CFAP20DC: variants seen among roughly 807,000 people sequenced by gnomAD.
CFAP20DC encodes protein CFAP20DC.
A neutral mutation model predicts 101.7 loss-of-function variants in CFAP20DC; 84 were observed. The observed-to-expected ratio is 0.83, with a 90% CI of 0.69 to 0.99. The LOEUF is 0.99. Ranked by LOEUF, CFAP20DC falls within the 50% of genes least tolerant of loss-of-function variation. The probability of loss-of-function intolerance (pLI) is 0.00; values close to 1 mark genes in which losing one functional copy is unlikely to be tolerated. For missense variants in CFAP20DC, 1,007 were observed against 970.3 expected (o/e 1.04, Z -0.50); for synonymous variants, 359 against 351.2 (o/e 1.02, Z -0.25).
chr3:58,877,856 T>C (rs1012450852), intron 7 of CFAP20DC, among the ~76,000 whole-genome samples: 3 of 152,302 alleles, frequency 2.0e-5, no homozygotes, highest in African/African-American at 7.2e-5. Context: ...GTGCATGTGA[T>C]GAGGACTAAT....
Position 58,897,349 on chromosome 3 carries a change from G to A in CFAP20DC, c.551-12640C>T, listed in dbSNP as rs551151127. On this transcript the variant is annotated intron_variant, in intron 6 of 16. Transcript: ENST00000482387. This position sits in a 1 kb window ranked among gnomAD's most constrained non-coding sequence, Gnocchi z 4.4. ...GCTTGCCATTGTGTCTTTTAATGGG[G>A]ACACTAAGCCCATTTACATCTAAGG... 4.6e-5 allele frequency among the ~76,000 whole-genome samples: 7 copies of A among 152,292 alleles called. No individual in the cohort carries two copies. The East Asian group carries it at 1.4e-3, about 29-fold the overall frequency.
chr3:58,961,856 G>C (rs1327585360), intron 4 of CFAP20DC, among the ~76,000 whole-genome samples: 1 of 151,714 alleles, frequency 6.6e-6, no homozygotes, highest in Non-Finnish European at 1.5e-5. Flanking sequence ...ATTTCTAAAG[G>C]GTTATGAGCA....
At chr3:58,886,910 T>A (rs1448237944) in intron 6 of CFAP20DC, among the ~76,000 whole-genome samples, 4 of 152,190 alleles carry the variant, frequency 2.6e-5, no homozygotes, top group African/African-American at 9.7e-5. Flanking sequence ...TGTGTGTATA[T>A]ATGTGACTGT....
chr3:58,816,776 G>A (rs1575740668), intron 14 of CFAP20DC, among the ~76,000 whole-genome samples: 5 of 152,292 alleles, frequency 3.3e-5, no homozygotes, highest in Middle Eastern at 3.4e-3. Flanking sequence ...CTCGAACTGG[G>A]TGGAGCCCAC....
rs112867020 is a variant in CFAP20DC at position 58,863,888 on chromosome 3, C to T, written c.1263G>A (p.Glu421=). 4.3e-6 allele frequency: 7 copies of T among 1,609,306 alleles called. No homozygotes were observed. In the African/African-American group the frequency reaches 6.7e-5, roughly 15 times the overall value. ...GATCAGCATTTTCAGGAAAAATCCA[C>T]TCATCTGACAGTTGGAAAAGATGAC... is the stretch of plus-strand genomic sequence containing the variant. The part of the protein sequence containing the change: ...LGPQSPDQSD[E]WIFPENADHI... Residue 421 remains glutamate, a synonymous_variant, in exon 12 of 17, where the codon GAG becomes GAA. Transcript: ENST00000482387. The surrounding 1 kb of genome is among the most constrained non-coding windows in gnomAD (Gnocchi z 5.9).
At chr3:58,753,007 A>G (rs961209796) in intron 16 of CFAP20DC, among the ~76,000 whole-genome samples, 1 of 152,042 alleles carries the variant, frequency 6.6e-6, no homozygotes, top group African/African-American at 2.4e-5. Context: ...TGCACTTGAG[A>G]TTACCCCATG....
intron 16 of CFAP20DC, among the ~76,000 whole-genome samples, chr3:58,752,752 G>C: frequency 6.6e-6 from 1 of 152,064 alleles, no homozygotes; most frequent in Middle Eastern, 3.4e-3. Flanking sequence ...CGGCCAAAAC[G>C]TACAACTCAG....
chr3:58,856,786 G>T (rs2078870964), intron 12 of CFAP20DC, among the ~76,000 whole-genome samples: 1 of 152,128 alleles, frequency 6.6e-6, no homozygotes. Context: ...AGATGGTATT[G>T]GTAGAACTAG....
chr3:58,729,172 C>T lies in CFAP20DC; in HGVS notation c.198-11544G>A, dbSNP rs2067599112. 6.6e-6 allele frequency among the ~76,000 whole-genome samples: 1 copy of T among 152,188 alleles called. No individual in the cohort carries two copies. The highest frequency in any genetic ancestry group is 2.4e-5 in the African/African-American group (1 of 41,444). On this transcript the variant is annotated intron_variant, in intron 3 of 3. Transcript: ENST00000486145. The surrounding 1 kb of genome is among the most constrained non-coding windows in gnomAD (Gnocchi z 4.4). ...GTTAGAGCACTCCTGAATTTCTGAC[C>T]TGTTTATTCTTATTTTAAGCAACTA... is the stretch of plus-strand genomic sequence containing the variant.
chr3:58,984,115 G>A (rs2092675859), intron 4 of CFAP20DC, among the ~76,000 whole-genome samples: 1 of 152,172 alleles, frequency 6.6e-6, no homozygotes, highest in Non-Finnish European at 1.5e-5. Flanking sequence ...GGGGAGGAAA[G>A]GAAGAATCCA....
intron 4 of CFAP20DC, among the ~76,000 whole-genome samples, chr3:58,948,227 T>A (rs768128239): frequency 3.9e-5 from 6 of 152,334 alleles, no homozygotes; most frequent in Admixed American, 1.3e-4. Flanking sequence ...TGACATTCTT[T>A]TCTATTTTCA....
chr3:58,810,185 C>A (rs910576079), intron 14 of CFAP20DC, among the ~76,000 whole-genome samples: 1 of 152,098 alleles, frequency 6.6e-6, no homozygotes, highest in African/African-American at 2.4e-5. Context: ...AAGAGGGAAT[C>A]CTCCCTAACT....
At chr3:58,886,714 AAAAAAG>A (rs1236821824) in intron 6 of CFAP20DC, among the ~76,000 whole-genome samples, 1 of 152,176 alleles carries the variant, frequency 6.6e-6, no homozygotes, top group South Asian at 2.1e-4. Context: ...CCTGTCTTAA[AAAAAAG>A]AAAAAGAAAA....
intron 4 of CFAP20DC, among the ~76,000 whole-genome samples, chr3:58,975,995 C>A (rs1463227502): frequency 6.6e-6 from 1 of 152,170 alleles, no homozygotes; most frequent in African/African-American, 2.4e-5. Flanking sequence ...GAAAGAGGAG[C>A]ACCAGGTAAT....
chr3:58,835,179 G>T (rs2108094236), intron 13 of CFAP20DC, among the ~76,000 whole-genome samples: 1 of 152,252 alleles, frequency 6.6e-6, no homozygotes, highest in East Asian at 1.9e-4. Flanking sequence ...TGTCGTCATG[G>T]AGTTCACAGT....
chr3:58,890,702 C>A (rs2082139968), intron 6 of CFAP20DC, among the ~76,000 whole-genome samples: 1 of 149,088 alleles, frequency 6.7e-6, no homozygotes, highest in African/African-American at 2.5e-5. Flanking sequence ...CTCCTCACTT[C>A]TCAGACGGGG....
chr3:58,757,199 T>C (rs2069037106), intron 15 of CFAP20DC, among the ~76,000 whole-genome samples: 1 of 152,120 alleles, frequency 6.6e-6, no homozygotes, highest in African/African-American at 2.4e-5. Flanking sequence ...AGAATGCTGA[T>C]TTCCCGAGAG....
intron 4 of CFAP20DC, among the ~76,000 whole-genome samples, chr3:58,959,478 TG>T (rs2090945664): frequency 6.6e-6 from 1 of 152,206 alleles, no homozygotes; most frequent in Non-Finnish European, 1.5e-5. Context: ...GTTTTATATA[TG>T]TGACTATCCA....
chr3:58,908,928 T>A (rs2107305517), intron 6 of CFAP20DC, among the ~76,000 whole-genome samples: 1 of 152,268 alleles, frequency 6.6e-6, no homozygotes, highest in South Asian at 2.1e-4. Context: ...TACTTTTAAC[T>A]ATGACATTCT....
Sources: allele counts gnomAD v4.1 joint callset (sites outside exome capture counted in the v4.1 genomes callset), GRCh38; gene constraint gnomAD v4.1.1; non-coding constraint Gnocchi (gnomAD v3.1); transcripts MANE v1.5; gene names NCBI Gene and HGNC (gene_info 2026-07-23, HGNC 2026-07-21).